Variants in VRK2 observed in about 807,000 individuals in gnomAD.
VRK2 encodes the protein VRK serine/threonine kinase 2.
In VRK2, 60 loss-of-function variants were observed where a neutral mutation model predicts 57.6. The ratio of observed to expected loss-of-function variants is 1.04; its 90% CI spans 0.85 to 1.29. The LOEUF is 1.29. VRK2 is among the 50% of genes most tolerant of loss of function. The pLI, the probability that VRK2 is intolerant of heterozygous loss-of-function variation, is 0.00. For synonymous variants in VRK2, 231 were observed against 199.2 expected (o/e 1.16, Z -1.35); for missense variants, 705 against 588.1 (o/e 1.20, Z -2.06).
intron 2 of VRK2, among the ~76,000 whole-genome samples, chr2:58,050,601 T>C (rs1311434193): frequency 6.6e-6 from 1 of 152,226 alleles, no homozygotes; most frequent in Non-Finnish European, 1.5e-5. Context: ...AGAAAAGTAT[T>C]GATGTGTTGA....
chr2:58,058,226 C>T (rs1044219703), intron 2 of VRK2: 5 of 374,642 alleles, frequency 1.3e-5, no homozygotes, highest in African/African-American at 8.6e-5. Flanking sequence ...TAAATTTAAT[C>T]AGCTGGAATT....
chr2:58,042,418 G>A (rs1223553909), upstream of VRK2, among the ~76,000 whole-genome samples: 1 of 152,130 alleles, frequency 6.6e-6, no homozygotes, highest in Non-Finnish European at 1.5e-5. Context: ...GTTTATGAGT[G>A]CAAATGGCCT....
chr2:58,067,496 G>A (rs979207963), intron 2 of VRK2, among the ~76,000 whole-genome samples: 3 of 151,978 alleles, frequency 2.0e-5, no homozygotes, highest in African/African-American at 7.2e-5. Context: ...CATTTTTGAT[G>A]TTGCTCTTTC....
chr2:58,024,956 T>C (rs185494378), intron 1 of VRK2, among the ~76,000 whole-genome samples: 6 of 152,300 alleles, frequency 3.9e-5, no homozygotes, highest in Non-Finnish European at 5.9e-5. Context: ...GATATTGCTT[T>C]TACACATGGG....
At chr2:57,981,789 AG>A (rs1203133423) in intron 1 of VRK2, among the ~76,000 whole-genome samples, 1 of 152,128 alleles carries the variant, frequency 6.6e-6, no homozygotes, top group Non-Finnish European at 1.5e-5. Flanking sequence ...TTCAGTTGTT[AG>A]GCCATTTTAC....
Position 58,018,610 on chromosome 2 carries a change from G to A in VRK2, c.-438-7055G>A, listed in dbSNP as rs552581341. Among the ~76,000 whole-genome samples, 4 of 152,272 alleles carry A rather than the reference G, an allele frequency of 2.6e-5. No homozygotes were observed. In the South Asian group the frequency reaches 8.3e-4, roughly 32 times the overall value. The stretch of plus-strand genomic sequence containing the variant: ...CTGATATCCCCTCCAGGCTAGCTAA[G>A]AATACATCTGACTCCTCTAATTCCT... On this transcript the variant is annotated intron_variant, in intron 1 of 15. Transcript: ENST00000417641.
intron 1 of VRK2, among the ~76,000 whole-genome samples, chr2:58,014,154 A>G (rs1263137945): frequency 6.6e-6 from 1 of 152,174 alleles, no homozygotes; most frequent in Non-Finnish European, 1.5e-5. Flanking sequence ...TGATACATGT[A>G]TTAAAAATTG....
At chr2:58,071,521 T>C (rs1669358125) in intron 2 of VRK2, among the ~76,000 whole-genome samples, 1 of 152,084 alleles carries the variant, frequency 6.6e-6, no homozygotes, top group African/African-American at 2.4e-5. Context: ...GAGTGTCCAG[T>C]CCTAGTACCA....
At chr2:58,104,676 A>G (rs1232887637) in intron 7 of VRK2, among the ~76,000 whole-genome samples, 2 of 151,926 alleles carry the variant, frequency 1.3e-5, no homozygotes, top group Non-Finnish European at 2.9e-5. Flanking sequence ...TCCAAATACA[A>G]GCATCATTTT....
At chr2:57,946,427 T>TCTTTAATTGTA (rs1553365471) in intron 1 of VRK2, among the ~76,000 whole-genome samples, 2 of 152,108 alleles carry the variant, frequency 1.3e-5, no homozygotes, top group African/African-American at 4.8e-5. Context: ...CAATTCTGAT[T>TCTTTAATTGTA]CAAACCCTTA....
In VRK2 at chr2:58,082,005, C is replaced by T. The variant is rs1412170998; in HGVS notation, c.137-2084C>T. 2.0e-5 allele frequency among the ~76,000 whole-genome samples: 3 copies of T among 151,696 alleles called. No individual in the cohort carries two copies. The East Asian group carries it at 5.8e-4, about 29-fold the overall frequency. ...TACTATAAAAAGACCCCCGTGGTAA[C>T]CAGAACAATCTCTTTGTTCATATGA... On this transcript the variant is annotated intron_variant, in intron 2 of 12. Coordinates refer to ENST00000340157, the MANE Select transcript of VRK2 (RefSeq NM_006296.7).
At chr2:58,039,162 C>A (rs953526592) in intron 3 of VRK2, among the ~76,000 whole-genome samples, 3 of 152,272 alleles carry the variant, frequency 2.0e-5, no homozygotes, top group Non-Finnish European at 2.9e-5. Flanking sequence ...ATACAACCTA[C>A]ATCATCCTGG....
chr2:57,920,799 G>A (rs540217733), intron 1 of VRK2, among the ~76,000 whole-genome samples: 36 of 152,204 alleles, frequency 2.4e-4, no homozygotes, highest in South Asian at 8.3e-4. Context: ...TGTGGCAATA[G>A]ATGAAAAGGA....
chr2:57,941,040 T>C (rs765530086), intron 1 of VRK2, among the ~76,000 whole-genome samples: 1 of 152,186 alleles, frequency 6.6e-6, no homozygotes, highest in Admixed American at 6.5e-5. Context: ...TTATCTGTAA[T>C]AATAACTCCT....
At chr2:58,129,946 T>C in intron 8 of VRK2, among the ~76,000 whole-genome samples, 1 of 152,148 alleles carries the variant, frequency 6.6e-6, no homozygotes, top group East Asian at 1.9e-4. Flanking sequence ...AATAAAAGAT[T>C]GAAAAATGTG....
intron 1 of VRK2, among the ~76,000 whole-genome samples, chr2:58,022,794 G>C (rs186002710): frequency 6.6e-6 from 1 of 152,146 alleles, no homozygotes; most frequent in Admixed American, 6.5e-5. Flanking sequence ...GGGATTGCTT[G>C]AACCCAGGAG....
chr2:57,979,749 T>A (rs553220006), intron 1 of VRK2, among the ~76,000 whole-genome samples: 62 of 152,316 alleles, frequency 4.1e-4, no homozygotes, highest in Non-Finnish European at 4.4e-4. Context: ...GATTTCAATT[T>A]CTTCCTGGTT....
At chr2:58,158,170 T>TCTTTCTTA (rs10641725) in intron 12 of VRK2, among the ~76,000 whole-genome samples, 1 of 151,958 alleles carries the variant, frequency 6.6e-6, no homozygotes, top group Non-Finnish European at 1.5e-5. Flanking sequence ...TAAATGCTGC[T>TCTTTCTTA]CTATGATTTG....
chr2:58,136,753 T>G (rs1680079613), intron 10 of VRK2, among the ~76,000 whole-genome samples: 1 of 146,998 alleles, frequency 6.8e-6, no homozygotes. Context: ...TGGGAAGATG[T>G]CATTAACATA....
Sources: gnomAD v4.1 joint callset for allele counts (sites outside exome capture counted in the v4.1 genomes callset) on GRCh38, gnomAD v4.1.1 for gene constraint, MANE v1.5 for transcripts, NCBI Gene and HGNC (gene_info 2026-07-23, HGNC 2026-07-21) for gene names.